PXDN: variants seen among roughly 807,000 people sequenced by gnomAD.
PXDN encodes the protein peroxidasin homolog.
PXDN carries 77 observed loss-of-function variants against 140.3 expected under a neutral mutation model. The ratio of observed to expected loss-of-function variants is 0.55; its 90% CI spans 0.46 to 0.66. PXDN has a LOEUF of 0.66. Among genes scored for constraint, PXDN ranks in the 30% least tolerant of loss-of-function variants. The pLI, the probability that PXDN is intolerant of heterozygous loss-of-function variation, is 0.00. For missense variants in PXDN, 1,838 were observed against 2,039.5 expected (o/e 0.90, Z 1.90); for synonymous variants, 911 against 857.4 (o/e 1.06, Z -1.09).
At position 1,639,569 on chromosome 2, in the gene PXDN, T is replaced by G. The variant is rs878878285; in HGVS notation, c.3953-147A>C. ...CAGTGAGGCAACCTGGCAGCTGGTC[T>G]GCGGCTCTTACCCTCTCCTGGTCTG... is the stretch of plus-strand genomic sequence containing the variant. On this transcript the variant is annotated intron_variant, in intron 19 of 22. Coordinates refer to ENST00000252804, the MANE Select transcript of PXDN (RefSeq NM_012293.3). This position sits in a 1 kb window ranked among gnomAD's most constrained non-coding sequence, Gnocchi z 5.0. 316 of 1,210,556 alleles carry G rather than the reference T, an allele frequency of 2.6e-4. 7 individuals are homozygous for G. In the South Asian group the frequency reaches 4.3e-3, roughly 16 times the overall value. The allele number at this position is 1,210,556 out of a possible 1,614,324, so 75.0% of individuals were successfully genotyped here. A position where few individuals can be genotyped will look rare whatever the true frequency, so the allele number is the denominator to read the frequency against.
chr2:1,660,965 C>A lies in PXDN; in HGVS notation c.1753G>T (p.Gly585Cys). 6.2e-7 allele frequency: 1 copy of A among 1,613,984 alleles called. No homozygotes were observed. The highest frequency in any genetic ancestry group is 8.5e-7 in the Non-Finnish European group (1 of 1,179,904). The part of the protein sequence containing the change: ...PEGFLTINDV[G>C]PADAGRYECV... ...TCATAGCGACCTGCGTCTGCAGGGC[C>A]AACGTCATTGATGGTCAAGAATCCT... Residue 585 changes from glycine (G) to cysteine (C), a missense_variant, in exon 14 of 23, where the codon GGC becomes TGC. By Grantham distance (159) the Gly-to-Cys change is radical. Coordinates refer to ENST00000252804, the MANE Select transcript of PXDN (RefSeq NM_012293.3). The surrounding 1 kb of genome is among the most constrained non-coding windows in gnomAD (Gnocchi z 4.6).
chr2:1,721,364 C>T (rs1041530868), intron 1 of PXDN, among the ~76,000 whole-genome samples: 1 of 152,150 alleles, frequency 6.6e-6, no homozygotes, highest in Non-Finnish European at 1.5e-5. Context: ...TTCAGAAAGA[C>T]CCAGTGTGCT....
chr2:1,668,614 A>C (rs1246752609), intron 9 of PXDN, among the ~76,000 whole-genome samples: 1 of 151,662 alleles, frequency 6.6e-6, no homozygotes, highest in African/African-American at 2.4e-5. Context: ...AAAAAAAAAA[A>C]ACAACCCCAT....
chr2:1,702,180 T>C (rs1198486448), intron 1 of PXDN, among the ~76,000 whole-genome samples: 1 of 151,928 alleles, frequency 6.6e-6, no homozygotes, highest in Non-Finnish European at 1.5e-5. Flanking sequence ...GATCCTGGAG[T>C]ATCGCAAATA....
At chr2:1,680,391 A>G in intron 6 of PXDN, 29 bp from the exon 7 acceptor site, 1 of 1,612,722 alleles carries the variant, frequency 6.2e-7, no homozygotes, top group Non-Finnish European at 8.5e-7. Flanking sequence ...AGCCGGTGAG[A>G]CATGGGGTGG....
Position 1,632,177 on chromosome 2 carries a change from C to G in PXDN, c.*2027G>C, listed in dbSNP as rs983025065. The G allele has an allele frequency of 1.3e-5, 2 of 152,182 alleles. No individual in the cohort carries two copies. Among genetic ancestry groups the G allele is most frequent in the Non-Finnish European group, 2.9e-5 (2 of 68,044 alleles). 9.4% of individuals were successfully genotyped at this position (152,182 alleles called of 1,614,324 possible). A position where few individuals can be genotyped will look rare whatever the true frequency, so the allele number is the denominator to read the frequency against. On this transcript the variant is annotated 3_prime_UTR_variant, in exon 23 of 23. Coordinates refer to ENST00000252804, the MANE Select transcript of PXDN (RefSeq NM_012293.3). The surrounding 1 kb of genome is among the most constrained non-coding windows in gnomAD (Gnocchi z 4.3). ...TTACAGAATTTTTTTTGGTAAATCACAGTCAGCTTCCCCCTTTGGCTTAGA... is the reference window on the plus strand; with the variant it reads ...TTACAGAATTTTTTTTGGTAAATCAGAGTCAGCTTCCCCCTTTGGCTTAGA...
At chr2:1,711,203 G>T (rs111161803) in intron 1 of PXDN, among the ~76,000 whole-genome samples, 1 of 19,416 alleles carries the variant, frequency 5.2e-5, no homozygotes, top group African/African-American at 3.4e-4. Flanking sequence ...ACCAGCACCC[G>T]CTCCACCAGC....
At chr2:1,672,025 C>G (rs970978667) in intron 9 of PXDN, 10 of 152,222 alleles carry the variant, frequency 6.6e-5, no homozygotes, top group Admixed American at 4.6e-4. Context: ...GAAAAGTATT[C>G]TCAGTTCATA....
chr2:1,691,969 T>C lies in PXDN; in HGVS notation c.303A>G (p.Ile101Met), dbSNP rs77046311. 1 of 1,530,366 alleles carries C rather than the reference T, an allele frequency of 6.5e-7. No homozygotes were observed. Among genetic ancestry groups the C allele is most frequent in the South Asian group, 1.3e-5 (1 of 79,466 alleles). The allele number at this position is 1,530,366 out of a possible 1,614,324, so 94.8% of individuals were successfully genotyped here. A position where few individuals can be genotyped will look rare whatever the true frequency, so the allele number is the denominator to read the frequency against. The change falls in exon 3 of 23, where the codon ATA (isoleucine) becomes ATG (methionine). Residue 101 changes from isoleucine (I) to methionine (M), a missense_variant. By Grantham distance (10) the Ile-to-Met change is conservative. This residue lies in a region of PXDN where 231 missense variants were observed against 201.5 expected (regional missense o/e 1.15). Coordinates refer to ENST00000252804, the MANE Select transcript of PXDN (RefSeq NM_012293.3). ...CCAAGTCTTCAAATGCTCCACTAGG[T>C]ATCCTCTTGATCTGATTATTATTGA... ...LLLNNNQIKR[I>M]PSGAFEDLEN...
At chr2:1,662,696 G>A (rs897395781) in intron 12 of PXDN, among the ~76,000 whole-genome samples, 1 of 152,172 alleles carries the variant, frequency 6.6e-6, no homozygotes, top group Non-Finnish European at 1.5e-5. Flanking sequence ...TCTCTATACA[G>A]GCACCCAGCG....
chr2:1,644,749 C>T lies in PXDN; in HGVS notation c.3612G>A (p.Leu1204=). ...NPEIREKLKR[L]YGSTLNIDLF... ...GGTCGATGTTGAGTGTCGAGCCATA[C>T]AACCTAAAAAATAAAGAGAAAACTG... Residue 1204 remains leucine, a synonymous_variant, in exon 18 of 23, where the codon TTG becomes TTA. Transcript: ENST00000252804. 2 of 1,524,858 alleles carry T rather than the reference C, an allele frequency of 1.3e-6. No homozygotes were observed. Among genetic ancestry groups the T allele is most frequent in the Non-Finnish European group, 1.8e-6 (2 of 1,128,642 alleles). 94.5% of individuals were successfully genotyped at this position (1,524,858 alleles called of 1,614,324 possible).
At chr2:1,695,985 A>T (rs922667395) in intron 1 of PXDN, among the ~76,000 whole-genome samples, 27 of 151,464 alleles carry the variant, frequency 1.8e-4, no homozygotes, top group Non-Finnish European at 3.1e-4. Flanking sequence ...AGAGTGATGG[A>T]CAGAGAGGTG....
At position 1,648,316 on chromosome 2, in the gene PXDN, G is replaced by A. The variant is rs777667769; in HGVS notation, c.3464C>T (p.Ala1155Val). Reference sequence around the variant, plus strand: ...CCGGCCCCGCTGGATGTTGATGGCCGCCAGGTCCAGAGCCACCGTGTGTGC... The same window carrying A: ...CCGGCCCCGCTGGATGTTGATGGCCACCAGGTCCAGAGCCACCGTGTGTGC... Reference protein sequence around the residue: ...SMAHTVALDLAAINIQRGRDH... With the variant: ...SMAHTVALDLVAINIQRGRDH... The change falls in exon 17 of 23, where the codon GCG becomes GTG. Residue 1155 changes from alanine to valine, a missense_variant. Transcript: ENST00000252804. The surrounding 1 kb of genome is among the most constrained non-coding windows in gnomAD (Gnocchi z 8.9). 4.3e-6 allele frequency: 7 copies of A among 1,613,672 alleles called. No individual in the cohort carries two copies. Among genetic ancestry groups the A allele is most frequent in the East Asian group, 2.2e-5 (1 of 44,870 alleles).
At chr2:1,664,777 A>T in intron 11 of PXDN, 181 bp downstream of exon 11, 1 of 582,536 alleles carries the variant, frequency 1.7e-6, no homozygotes, top group Admixed American at 3.0e-5. Context: ...CCATGCATGG[A>T]CAGGAAGCCG....
At chr2:1,722,981 G>A (rs1011228360) in intron 1 of PXDN, among the ~76,000 whole-genome samples, 8 of 152,192 alleles carry the variant, frequency 5.3e-5, no homozygotes, top group South Asian at 4.1e-4. Flanking sequence ...ATGGATGCAC[G>A]CATCATGGAT....
Position 1,722,972 on chromosome 2 carries a change from T to G in PXDN, c.200+21284A>C, listed in dbSNP as rs141060306. On this transcript the variant is annotated intron_variant, in intron 1 of 22. Transcript: ENST00000252804. ...ATGGAGAGATGTATGTGTGGATGGA[T>G]GGATGCACGCATCATGGATGGATAG... is the stretch of plus-strand genomic sequence containing the variant. Among the ~76,000 whole-genome samples the G allele has an allele frequency of 3.9e-3, 595 of 152,334 alleles. 7 individuals carry two copies. Among genetic ancestry groups the G allele is most frequent in the African/African-American group, 0.014 (573 of 41,584 alleles).
At chr2:1,696,745 G>A (rs1274725788) in intron 1 of PXDN, among the ~76,000 whole-genome samples, 1 of 152,178 alleles carries the variant, frequency 6.6e-6, no homozygotes, top group Non-Finnish European at 1.5e-5. Flanking sequence ...TTTGGGATGG[G>A]CTGACTTACA....
chr2:1,743,339 C>A (rs1685591492), intron 1 of PXDN, among the ~76,000 whole-genome samples: 1 of 152,236 alleles, frequency 6.6e-6, no homozygotes, highest in Admixed American at 6.5e-5. Flanking sequence ...GAGGCAGAAA[C>A]CCGCTCTGAG....
chr2:1,654,845 G>T (rs947170822), intron 14 of PXDN, among the ~76,000 whole-genome samples: 4 of 152,090 alleles, frequency 2.6e-5, no homozygotes, highest in African/African-American at 9.7e-5. Flanking sequence ...CAGCAGACAA[G>T]ATGTCTGTGG....
Sources: allele counts gnomAD v4.1 joint callset (sites outside exome capture counted in the v4.1 genomes callset), GRCh38; gene constraint gnomAD v4.1.1; regional missense constraint gnomAD v4.1.1; non-coding constraint Gnocchi (gnomAD v3.1); transcripts MANE v1.5; gene names NCBI Gene and HGNC (gene_info 2026-07-23, HGNC 2026-07-21).